The following SEMA3C variants were observed in gnomAD, a reference collection of about 807,000 sequenced individuals.
SEMA3C encodes semaphorin 3C.
A neutral mutation model predicts 89.4 loss-of-function variants in SEMA3C; 47 were observed. The ratio of observed to expected loss-of-function variants is 0.53; its 90% CI spans 0.42 to 0.67. The LOEUF is 0.67. SEMA3C is among the 30% of genes least tolerant of loss of function. The pLI is 0.00. For missense variants in SEMA3C, 839 were observed against 929.1 expected, an observed-to-expected ratio of 0.90 and a Z score of 1.26; for synonymous variants, 310 against 320.2, an observed-to-expected ratio of 0.97 and a Z score of 0.34.
intron 15 of SEMA3C, among the ~76,000 whole-genome samples, chr7:80,754,332 T>G (rs1183077450): frequency 6.6e-6 from 1 of 152,224 alleles, no homozygotes; most frequent in Non-Finnish European, 1.5e-5. Context: ...AATTTCCAAG[T>G]ATAACTGTAT....
chr7:80,766,359 AG>A (rs1788302799), intron 12 of SEMA3C, among the ~76,000 whole-genome samples: 2 of 152,214 alleles, frequency 1.3e-5, no homozygotes, highest in Non-Finnish European at 2.9e-5. Context: ...GTGCTGAGGC[AG>A]GAAAACAGGG....
intron 2 of SEMA3C, among the ~76,000 whole-genome samples, chr7:80,888,349 G>C (rs1489522513): frequency 6.6e-6 from 1 of 152,212 alleles, no homozygotes; most frequent in East Asian, 1.9e-4. Context: ...AGGAAAATGA[G>C]CCACTTGGGA....
chr7:80,912,698 T>C (rs1292866146), intron 2 of SEMA3C, among the ~76,000 whole-genome samples: 5 of 152,178 alleles, frequency 3.3e-5, no homozygotes. Flanking sequence ...AACACACACC[T>C]GAGAACTAAA....
intron 2 of SEMA3C, among the ~76,000 whole-genome samples, chr7:80,904,870 G>A (rs971355656): frequency 6.6e-6 from 1 of 152,120 alleles, no homozygotes; most frequent in Non-Finnish European, 1.5e-5. Flanking sequence ...GTACAGCCAA[G>A]GTTGAGAATC....
chr7:80,819,937 G>C (rs1012057868), intron 4 of SEMA3C, among the ~76,000 whole-genome samples: 6 of 151,916 alleles, frequency 3.9e-5, no homozygotes, highest in African/African-American at 1.2e-4. Flanking sequence ...TTGTATATTA[G>C]AGACAGCATT....
At chr7:80,863,087 G>A (rs1432075710) in intron 2 of SEMA3C, among the ~76,000 whole-genome samples, 1 of 152,008 alleles carries the variant, frequency 6.6e-6, no homozygotes, top group African/African-American at 2.4e-5. Context: ...ATAAATAGTT[G>A]GGACTTAATT....
At chr7:80,911,483 T>C (rs1216708559) in intron 2 of SEMA3C, among the ~76,000 whole-genome samples, 1 of 152,180 alleles carries the variant, frequency 6.6e-6, no homozygotes, top group Non-Finnish European at 1.5e-5. Context: ...GTGAACAACA[T>C]ATCAACATAT....
chr7:80,892,239 A>C (rs1171002883), intron 2 of SEMA3C, among the ~76,000 whole-genome samples: 2 of 152,150 alleles, frequency 1.3e-5, no homozygotes, highest in African/African-American at 4.8e-5. Flanking sequence ...TTTATCCTGC[A>C]GTTCTCTATA....
rs183976584 is a variant in SEMA3C, at chr7:80,770,636, C to T, written c.1355-5393G>A. Among the ~76,000 whole-genome samples the T allele has an allele frequency of 7.2e-5, 11 of 152,334 alleles. No homozygotes were observed. The South Asian group carries it at 1.0e-3, about 14-fold the overall frequency. Reference sequence around the variant, plus strand: ...GGCACTAACACCCTGACACATCTTTCGGAAACACCACCTACCTCATTTTCA... The same window carrying T: ...GGCACTAACACCCTGACACATCTTTTGGAAACACCACCTACCTCATTTTCA... On this transcript the variant is annotated intron_variant, in intron 12 of 17. Coordinates refer to ENST00000265361, the MANE Select transcript of SEMA3C (RefSeq NM_006379.5).
At chr7:80,756,908 T>C (rs1444985783) in intron 15 of SEMA3C, among the ~76,000 whole-genome samples, 1 of 152,206 alleles carries the variant, frequency 6.6e-6, no homozygotes, top group Non-Finnish European at 1.5e-5. Context: ...CGTGTTATTA[T>C]TTGATATACC....
chr7:80,838,588 C>T (rs1412367175), intron 2 of SEMA3C, among the ~76,000 whole-genome samples: 1 of 152,124 alleles, frequency 6.6e-6, no homozygotes, highest in African/African-American at 2.4e-5. Context: ...AGTCCATTTT[C>T]ACACTGCTAC....
intron 4 of SEMA3C, among the ~76,000 whole-genome samples, chr7:80,820,038 G>A (rs1789706441): frequency 6.7e-6 from 1 of 150,194 alleles, no homozygotes; most frequent in Admixed American, 6.6e-5. Context: ...CCCCCTGCTA[G>A]GTACCATGTA....
intron 2 of SEMA3C, among the ~76,000 whole-genome samples, chr7:80,888,590 C>T (rs1348450928): frequency 1.3e-5 from 2 of 152,120 alleles, no homozygotes; most frequent in Non-Finnish European, 2.9e-5. Context: ...TATCTATCTA[C>T]ATTGTAATTA....
intron 2 of SEMA3C, among the ~76,000 whole-genome samples, chr7:80,890,623 C>A (rs1355016153): frequency 6.6e-6 from 1 of 152,158 alleles, no homozygotes; most frequent in Admixed American, 6.5e-5. Flanking sequence ...CTTTCCCCAA[C>A]TGGCTTGACA....
chr7:80,828,606 A>G lies in SEMA3C; in HGVS notation c.243T>C (p.Asn81=), dbSNP rs1459289514. Residue 81 remains asparagine (N), a synonymous_variant, in exon 3 of 18, where the codon AAT becomes AAC. Coordinates refer to ENST00000265361, the MANE Select transcript of SEMA3C (RefSeq NM_006379.5). ...KDHILSLNIN[N]ISQEALSVFW... ...TTACACTCAAAGCTTCTTGACTTAT[A>G]TTGTTAATATTCAGGGAAAGAATGT... 1 of 1,608,670 alleles carries G rather than the reference A, an allele frequency of 6.2e-7. No individual in the cohort carries two copies. Among genetic ancestry groups the G allele is most frequent in the Non-Finnish European group, 8.5e-7 (1 of 1,176,708 alleles).
At chr7:80,856,524 G>A (rs1204061643) in intron 2 of SEMA3C, among the ~76,000 whole-genome samples, 1 of 122,146 alleles carries the variant, frequency 8.2e-6, no homozygotes, top group Non-Finnish European at 1.6e-5. Flanking sequence ...ACACAATTCT[G>A]CATTGGTTAA....
chr7:80,881,954 T>A (rs1791352561), intron 2 of SEMA3C, among the ~76,000 whole-genome samples: 1 of 152,184 alleles, frequency 6.6e-6, no homozygotes. Flanking sequence ...GCAACGTTGT[T>A]GATTTAATAA....
intron 2 of SEMA3C, among the ~76,000 whole-genome samples, chr7:80,899,817 ATAT>A: frequency 6.6e-6 from 1 of 152,348 alleles, no homozygotes; most frequent in Middle Eastern, 3.4e-3. Flanking sequence ...TCATTTTTAA[ATAT>A]TATATGAACC....
At chr7:80,821,356 A>G (rs570512887) in intron 4 of SEMA3C, among the ~76,000 whole-genome samples, 6 of 152,360 alleles carry the variant, frequency 3.9e-5, no homozygotes, top group African/African-American at 1.4e-4. Flanking sequence ...ATACGTCTCT[A>G]ACATTGAATC....
Sources: gnomAD v4.1 joint callset for allele counts (sites outside exome capture counted in the v4.1 genomes callset) on GRCh38, gnomAD v4.1.1 for gene constraint, MANE v1.5 for transcripts, NCBI Gene and HGNC (gene_info 2026-07-23, HGNC 2026-07-21) for gene names.